Variants in GPC6 observed in about 807,000 individuals in gnomAD.
GPC6 encodes glypican 6.
In GPC6, 14 loss-of-function variants were observed where a neutral mutation model predicts 55.2. That is an observed-to-expected ratio of 0.25 (90% confidence interval 0.17 to 0.40). The LOEUF (loss-of-function observed/expected upper bound fraction) is 0.40, where lower values mean the gene tolerates loss of function less well. Ranked by LOEUF, GPC6 falls within the 10% of genes least tolerant of loss-of-function variation. The pLI, the probability that GPC6 is intolerant of heterozygous loss-of-function variation, is 1.00. For missense variants in GPC6, 641 were observed against 708.5 expected (o/e 0.90, Z 1.08); for synonymous variants, 278 against 259.6 (o/e 1.07, Z -0.68).
intron 2 of GPC6, among the ~76,000 whole-genome samples, chr13:93,592,544 G>A (rs1279075906): frequency 2.0e-5 from 3 of 150,638 alleles, no homozygotes; most frequent in Admixed American, 6.6e-5. Context: ...CACCACACCC[G>A]GCCCTCTCCA....
At chr13:93,649,407 A>G (rs1200699687) in intron 2 of GPC6, among the ~76,000 whole-genome samples, 1 of 152,180 alleles carries the variant, frequency 6.6e-6, no homozygotes, top group Non-Finnish European at 1.5e-5. Flanking sequence ...AGCTGTAATC[A>G]CCACTGCACT....
chr13:93,702,308 A>C (rs1882697937), intron 2 of GPC6, among the ~76,000 whole-genome samples: 1 of 151,990 alleles, frequency 6.6e-6, no homozygotes, highest in Non-Finnish European at 1.5e-5. Context: ...TTTTCTAAAT[A>C]GTAGGTCTCA....
At chr13:94,031,364 G>A (rs556006749) in intron 4 of GPC6, among the ~76,000 whole-genome samples, 2 of 152,170 alleles carry the variant, frequency 1.3e-5, no homozygotes, top group East Asian at 1.9e-4. Context: ...TCAGCCTCAG[G>A]CCCGCCCCTT....
intron 4 of GPC6, among the ~76,000 whole-genome samples, chr13:94,102,366 T>C (rs529869506): frequency 5.5e-4 from 83 of 152,220 alleles, no homozygotes; most frequent in African/African-American, 2.0e-3. Flanking sequence ...CTCCCCTGGG[T>C]GCCTAGCCCT....
chr13:93,859,822 C>T (rs1420796264), intron 3 of GPC6, among the ~76,000 whole-genome samples: 1 of 151,570 alleles, frequency 6.6e-6, no homozygotes, highest in African/African-American at 2.4e-5. Context: ...CTTGACCACC[C>T]TGGAAATATA....
At chr13:94,114,158 TA>T (rs551267914) in intron 4 of GPC6, among the ~76,000 whole-genome samples, 6 of 110,190 alleles carry the variant, frequency 5.4e-5, no homozygotes, top group East Asian at 5.8e-4. Context: ...TTTTCTAAAT[TA>T]AAAAAAAAAT....
At position 94,307,831 on chromosome 13, in the gene GPC6, CT is replaced by C. The variant is rs746135909; in HGVS notation, c.1152+1714del. Among the ~76,000 whole-genome samples the C allele has an allele frequency of 3.3e-5, 5 of 152,174 alleles. No individual in the cohort carries two copies. The East Asian group carries it at 5.8e-4, about 18-fold the overall frequency. On this transcript the variant is annotated intron_variant, in intron 6 of 8. Transcript: ENST00000377047. ...CAAATGGTGAGTATGGGTTTGGTCC[CT>C]TTTTTCCCATTTTTGCTGGCTCTAA...
chr13:94,402,404 T>C lies in GPC6; in HGVS notation c.1466-611T>C, dbSNP rs369310337. Among the ~76,000 whole-genome samples the C allele has an allele frequency of 2.6e-5, 4 of 152,342 alleles. 1 individual carries two copies. The highest frequency in any genetic ancestry group is 7.2e-5 in the African/African-American group (3 of 41,586). ...CTTGAGTCTGGGGTTCACACATTCCTTGGGTTGCATAACTCAGGTATCAGT... is the reference window on the plus strand; with the variant it reads ...CTTGAGTCTGGGGTTCACACATTCCCTGGGTTGCATAACTCAGGTATCAGT... On this transcript the variant is annotated intron_variant, in intron 8 of 8. Transcript: ENST00000377047.
chr13:93,319,766 G>T (rs1428844202), intron 1 of GPC6, among the ~76,000 whole-genome samples: 1 of 151,948 alleles, frequency 6.6e-6, no homozygotes, highest in Non-Finnish European at 1.5e-5. Context: ...AAACAAAATC[G>T]CAAAATTTCA....
At chr13:93,619,735 G>A (rs1166851792) in intron 2 of GPC6, among the ~76,000 whole-genome samples, 1 of 152,000 alleles carries the variant, frequency 6.6e-6, no homozygotes, top group African/African-American at 2.4e-5. Context: ...CATGAGCCCG[G>A]CCTAAATGTT....
intron 1 of GPC6, chr13:93,395,268 C>A: frequency 2.1e-6 from 1 of 478,684 alleles, no homozygotes; most frequent in South Asian, 2.0e-5. Context: ...CTAAAGTTTC[C>A]AGAACCACTT....
At chr13:94,236,856 C>T (rs542990151) in intron 4 of GPC6, among the ~76,000 whole-genome samples, 3 of 151,554 alleles carry the variant, frequency 2.0e-5, no homozygotes, top group African/African-American at 7.3e-5. Flanking sequence ...CCTTGCTTTC[C>T]CCCAGGGATA....
chr13:93,741,717 C>CT, intron 2 of GPC6, among the ~76,000 whole-genome samples: 1 of 152,048 alleles, frequency 6.6e-6, no homozygotes, highest in East Asian at 1.9e-4. Flanking sequence ...ATTAGTTTTG[C>CT]TTTTTTCCAT....
At chr13:93,969,159 T>C (rs1880176981) in intron 3 of GPC6, among the ~76,000 whole-genome samples, 1 of 152,204 alleles carries the variant, frequency 6.6e-6, no homozygotes, top group Non-Finnish European at 1.5e-5. Context: ...GTTCTACTTC[T>C]CCCCAGTGTT....
rs1239946568 is a variant in GPC6, at chr13:93,965,712, A to G, written c.712-62017A>G. Among the ~76,000 whole-genome samples the G allele has an allele frequency of 3.9e-5, 6 of 152,190 alleles. No individual in the cohort carries two copies. The East Asian group carries it at 1.2e-3, about 30-fold the overall frequency. On this transcript the variant is annotated intron_variant, in intron 3 of 8. Coordinates refer to ENST00000377047, the MANE Select transcript of GPC6 (RefSeq NM_005708.5). ...TCCGTTATCTGCCAGATATGTGTAG[A>G]CAGCCTATTTAGAACATTGAGCCCT...
intron 4 of GPC6, among the ~76,000 whole-genome samples, chr13:94,042,812 G>A (rs1883588640): frequency 6.6e-6 from 1 of 151,776 alleles, no homozygotes. Context: ...AGCTATTACT[G>A]TAGTATTTGC....
At chr13:93,783,212 A>G (rs956720049) in intron 2 of GPC6, among the ~76,000 whole-genome samples, 8 of 151,994 alleles carry the variant, frequency 5.3e-5, no homozygotes, top group Non-Finnish European at 7.4e-5. Context: ...TTTTTATCCA[A>G]TCTATCATTG....
At chr13:93,957,335 G>A (rs768020750) in intron 3 of GPC6, among the ~76,000 whole-genome samples, 4 of 152,198 alleles carry the variant, frequency 2.6e-5, no homozygotes, top group East Asian at 1.9e-4. Context: ...GTTCATGAGC[G>A]TAGTATCAAA....
At chr13:93,681,807 G>T (rs1881854878) in intron 2 of GPC6, among the ~76,000 whole-genome samples, 2 of 152,096 alleles carry the variant, frequency 1.3e-5, no homozygotes, top group South Asian at 4.1e-4. Context: ...ATTACCCAAA[G>T]ATATCATGAT....
Sources: allele counts gnomAD v4.1 joint callset (sites outside exome capture counted in the v4.1 genomes callset), GRCh38; gene constraint gnomAD v4.1.1; transcripts MANE v1.5; gene names NCBI Gene and HGNC (gene_info 2026-07-23, HGNC 2026-07-21).